SPTLC3: variants seen among roughly 807,000 people sequenced by gnomAD.
The protein encoded by SPTLC3 is serine palmitoyltransferase 3.
SPTLC3 carries 36 observed loss-of-function variants against 59.3 expected under a neutral mutation model. The ratio of observed to expected loss-of-function variants is 0.61; its 90% confidence interval spans 0.47 to 0.80. SPTLC3 has a LOEUF of 0.80. Among genes scored for constraint, SPTLC3 ranks in the 30% least tolerant of loss-of-function variants. SPTLC3 has a pLI of 0.00. For synonymous variants in SPTLC3, 257 were observed against 240.8 expected (o/e 1.07, Z -0.62); for missense variants, 625 against 685.1 (o/e 0.91, Z 0.98).
rs1988564909 is a variant in SPTLC3 at position 13,074,415 on chromosome 20, C to A, written c.525C>A (p.Ala175=). 1.2e-6 allele frequency: 2 copies of A among 1,613,914 alleles called. No individual in the cohort carries two copies. Among genetic ancestry groups the A allele is most frequent in the Admixed American group, 3.3e-5 (2 of 60,004 alleles). ...MGSYNFLGLA[A]KYDESMRTIK... ...CCTATAACTTCCTTGGTCTTGCAGCCAAGTATGATGAGTCTATGAGGACAA... is the reference window on the plus strand; with the variant it reads ...CCTATAACTTCCTTGGTCTTGCAGCAAAGTATGATGAGTCTATGAGGACAA... Residue 175 remains alanine, a synonymous_variant, in exon 4 of 12, where the codon GCC becomes GCA. Coordinates refer to ENST00000399002, the MANE Select transcript of SPTLC3 (RefSeq NM_018327.4).
chr20:13,080,979 A>G (rs1228758430), intron 4 of SPTLC3, among the ~76,000 whole-genome samples: 1 of 152,182 alleles, frequency 6.6e-6, no homozygotes, highest in Non-Finnish European at 1.5e-5. Flanking sequence ...GAAATTCTTT[A>G]GCACCATGGT....
chr20:13,131,743 T>G (rs73085888), intron 9 of SPTLC3, among the ~76,000 whole-genome samples: 3,978 of 152,282 alleles, frequency 0.026, 70 homozygotes, highest in Non-Finnish European at 0.031. Context: ...TGCTCTTGCC[T>G]TTTTATGGCT....
intron 11 of SPTLC3, among the ~76,000 whole-genome samples, chr20:13,160,813 T>C (rs2038880653): frequency 6.6e-6 from 1 of 152,332 alleles, no homozygotes; most frequent in South Asian, 2.1e-4. Flanking sequence ...ACAGAATGAA[T>C]GAATCTTGAA....
intron 1 of SPTLC3, among the ~76,000 whole-genome samples, chr20:13,019,265 C>T (rs1461202461): frequency 1.3e-5 from 2 of 152,132 alleles, no homozygotes; most frequent in East Asian, 3.9e-4. Flanking sequence ...GAAAGGAGGT[C>T]TCATGATTTC....
At position 13,168,991 on chromosome 20, in the gene SPTLC3, GAGA is replaced by G. The variant is rs941441632; in HGVS notation, c.*4127_*4129del. ...TGTGTGCATGTGTCTTTGTGTGTGT[GAGA>G]AGGACAGAGAGAAATGTATGTTTCA... On this transcript the variant is annotated 3_prime_UTR_variant, in exon 12 of 12. Transcript: ENST00000399002. 21 of 146,418 alleles carry G rather than the reference GAGA, an allele frequency of 1.4e-4. No individual in the cohort carries two copies. Among genetic ancestry groups the G allele is most frequent in the African/African-American group, 5.0e-4 (20 of 40,162 alleles). 9.1% of individuals were successfully genotyped at this position (146,418 alleles called of 1,614,324 possible).
intron 7 of SPTLC3, among the ~76,000 whole-genome samples, chr20:13,116,550 G>A (rs758466081): frequency 5.9e-5 from 9 of 151,992 alleles, no homozygotes; most frequent in African/African-American, 1.9e-4. Flanking sequence ...CCTTTGTGCC[G>A]GAGGATGTAC....
chr20:13,023,469 T>A (rs1985994679), intron 1 of SPTLC3, among the ~76,000 whole-genome samples: 1 of 152,158 alleles, frequency 6.6e-6, no homozygotes, highest in Admixed American at 6.6e-5. Flanking sequence ...CTGAAAAATA[T>A]TTATGGAATG....
At chr20:13,009,484 T>C (rs1985116944) in intron 1 of SPTLC3, 100 bp downstream of exon 1, 1 of 1,121,220 alleles carries the variant, frequency 8.9e-7, no homozygotes, top group Non-Finnish European at 1.3e-6. Flanking sequence ...GTTCATCTTA[T>C]GAAGGGTTTT....
intron 9 of SPTLC3, among the ~76,000 whole-genome samples, chr20:13,134,231 G>A (rs2038191883): frequency 6.6e-6 from 1 of 152,184 alleles, no homozygotes; most frequent in African/African-American, 2.4e-5. Context: ...TCGTGATGCA[G>A]ATGCTCACAA....
At chr20:13,061,329 T>A (rs1046156595) in intron 2 of SPTLC3, among the ~76,000 whole-genome samples, 2 of 152,122 alleles carry the variant, frequency 1.3e-5, no homozygotes, top group Non-Finnish European at 2.9e-5. Context: ...CTTCTAACAT[T>A]TGTTACTTTG....
rs1403601059 is a variant in SPTLC3 at position 13,117,605 on chromosome 20, G to A, written c.1032G>A (p.Val344=). The A allele has an allele frequency of 3.1e-6, 5 of 1,613,966 alleles. No individual in the cohort carries two copies. The Admixed American group carries it at 5.0e-5, about 16-fold the overall frequency. The change falls in exon 8 of 12, where the codon GTG becomes GTA. Residue 344 remains valine (V), a synonymous_variant. Coordinates refer to ENST00000399002, the MANE Select transcript of SPTLC3 (RefSeq NM_018327.4). ...YIDEAHSIGA[V]GPTGRGVTEF... Reference sequence around the variant, plus strand: ...ATGAAGCTCACAGTATTGGGGCCGTGGGCCCAACCGGCCGGGGTGTCACGG... The same window carrying A: ...ATGAAGCTCACAGTATTGGGGCCGTAGGCCCAACCGGCCGGGGTGTCACGG...
At chr20:13,140,346 A>G (rs530336409) in intron 9 of SPTLC3, among the ~76,000 whole-genome samples, 1 of 152,278 alleles carries the variant, frequency 6.6e-6, no homozygotes, top group East Asian at 1.9e-4. Context: ...TACTTTTGGG[A>G]CCATAGACGA....
intron 9 of SPTLC3, among the ~76,000 whole-genome samples, chr20:13,140,496 T>C (rs2038355957): frequency 6.6e-6 from 1 of 152,170 alleles, no homozygotes; most frequent in Non-Finnish European, 1.5e-5. Flanking sequence ...AGACTTCCTA[T>C]CAGGATGGAG....
At chr20:13,154,516 C>T (rs543366805) in intron 10 of SPTLC3, among the ~76,000 whole-genome samples, 1 of 152,280 alleles carries the variant, frequency 6.6e-6, no homozygotes, top group South Asian at 2.1e-4. Flanking sequence ...TGTGATCAGG[C>T]TCTGTGCTTT....
intron 9 of SPTLC3, among the ~76,000 whole-genome samples, chr20:13,127,804 G>A (rs6109721): frequency 0.035 from 5,374 of 152,200 alleles, 307 homozygotes; most frequent in African/African-American, 0.12. Context: ...TATGAAATGC[G>A]GTGATTGGCT....
chr20:13,031,317 A>G (rs891061227), intron 1 of SPTLC3, among the ~76,000 whole-genome samples: 8 of 152,152 alleles, frequency 5.3e-5, no homozygotes, highest in Non-Finnish European at 1.0e-4. Flanking sequence ...AATTTAAACT[A>G]TTGAAATTTA....
chr20:13,080,292 G>A lies in SPTLC3; in HGVS notation c.607+5795G>A, dbSNP rs1405652353. ...TGGGAGGCCTAGGCAGGCGGATCAC[G>A]AGGTCAAGAGATCAAGACCATCCTG... is the stretch of plus-strand genomic sequence containing the variant. On this transcript the variant is annotated intron_variant, in intron 4 of 11. Transcript: ENST00000399002. 2.6e-5 allele frequency among the ~76,000 whole-genome samples: 4 copies of A among 152,054 alleles called. No individual in the cohort carries two copies. The East Asian group carries it at 5.8e-4, about 22-fold the overall frequency.
rs1350557701 is a variant in SPTLC3, at chr20:13,069,727, G to A, written c.304-2529G>A. On this transcript the variant is annotated intron_variant, in intron 2 of 11. Transcript: ENST00000399002. Reference sequence around the variant, plus strand: ...CTCTGTGATTGTTGTGGCCCCTCTAGCCCTGGTGCCCTGTGCATCTTGTAG... The same window carrying A: ...CTCTGTGATTGTTGTGGCCCCTCTAACCCTGGTGCCCTGTGCATCTTGTAG... 4.6e-5 allele frequency among the ~76,000 whole-genome samples: 7 copies of A among 152,256 alleles called. No individual in the cohort carries two copies. The South Asian group carries it at 1.2e-3, about 27-fold the overall frequency.
intron 1 of SPTLC3, among the ~76,000 whole-genome samples, chr20:13,022,315 C>T (rs983155270): frequency 6.6e-6 from 1 of 152,208 alleles, no homozygotes; most frequent in Non-Finnish European, 1.5e-5. Context: ...CTTTATCTCT[C>T]ACCTAAAGTA....
Sources: allele counts gnomAD v4.1 joint callset (sites outside exome capture counted in the v4.1 genomes callset), GRCh38; gene constraint gnomAD v4.1.1; transcripts MANE v1.5; gene names NCBI Gene and HGNC (gene_info 2026-07-23, HGNC 2026-07-21).